Variants in ICA1L observed in about 807,000 individuals in gnomAD.
ICA1L encodes the protein islet cell autoantigen 1-like protein.
A neutral mutation model predicts 61.3 loss-of-function variants in ICA1L; 50 were observed. The observed-to-expected ratio is 0.82, with a 90% confidence interval of 0.65 to 1.03. ICA1L has a LOEUF of 1.03. ICA1L is among the 50% of genes least tolerant of loss of function. The pLI is 0.00. For synonymous variants in ICA1L, 161 were observed against 191.3 expected, an observed-to-expected ratio of 0.84 and a Z score of 1.31; for missense variants, 508 against 556.7, an observed-to-expected ratio of 0.91 and a Z score of 0.88.
chr2:202,833,996 G>A (rs1694080868), intron 1 of ICA1L, among the ~76,000 whole-genome samples: 1 of 152,086 alleles, frequency 6.6e-6, no homozygotes, highest in African/African-American at 2.4e-5. Context: ...ACAACAAAGG[G>A]ACTATAGTTA....
intron 1 of ICA1L, among the ~76,000 whole-genome samples, chr2:202,854,638 G>T (rs1157824111): frequency 6.6e-6 from 1 of 152,088 alleles, no homozygotes; most frequent in African/African-American, 2.4e-5. Context: ...CCACATAATT[G>T]GAAGTAAAAC....
intron 1 of ICA1L, among the ~76,000 whole-genome samples, chr2:202,869,343 C>A (rs1241872067): frequency 1.3e-5 from 2 of 151,806 alleles, no homozygotes; most frequent in Non-Finnish European, 2.9e-5. Flanking sequence ...GGCGACAGAG[C>A]GAGACTCTGT....
intron 9 of ICA1L, among the ~76,000 whole-genome samples, chr2:202,807,554 A>G (rs571392502): frequency 6.6e-6 from 1 of 152,288 alleles, no homozygotes; most frequent in East Asian, 1.9e-4. Flanking sequence ...AAGTACTGCA[A>G]TTCCTGGGCA....
intron 10 of ICA1L, among the ~76,000 whole-genome samples, chr2:202,792,412 A>T (rs1692781082): frequency 6.6e-6 from 1 of 152,226 alleles, no homozygotes; most frequent in South Asian, 2.1e-4. Context: ...GTAGTAGTAT[A>T]ATAGCCAAAA....
intron 12 of ICA1L, among the ~76,000 whole-genome samples, chr2:202,781,280 A>G (rs1692394427): frequency 6.6e-6 from 1 of 152,128 alleles, no homozygotes; most frequent in African/African-American, 2.4e-5. Flanking sequence ...CAGAATCAAG[A>G]AGTAGAACAT....
At chr2:202,808,187 A>G (rs1693277331) in intron 9 of ICA1L, among the ~76,000 whole-genome samples, 1 of 151,918 alleles carries the variant, frequency 6.6e-6, no homozygotes, top group African/African-American at 2.4e-5. Flanking sequence ...AGTCAGTTCT[A>G]GCCCTTGGCT....
intron 5 of ICA1L, among the ~76,000 whole-genome samples, chr2:202,817,762 T>C (rs1693579780): frequency 6.6e-6 from 1 of 152,176 alleles, no homozygotes; most frequent in Admixed American, 6.5e-5. Flanking sequence ...AAGATATCTT[T>C]ATGCTGAGAA....
chr2:202,803,873 A>C (rs150256351), intron 9 of ICA1L, among the ~76,000 whole-genome samples: 20 of 152,304 alleles, frequency 1.3e-4, no homozygotes, highest in Admixed American at 6.5e-4. Context: ...ATAACAATAA[A>C]AAATTAATTC....
intron 10 of ICA1L, among the ~76,000 whole-genome samples, chr2:202,789,657 TA>T (rs1349628898): frequency 6.6e-6 from 1 of 152,076 alleles, no homozygotes; most frequent in Non-Finnish European, 1.5e-5. Flanking sequence ...AATGAAACTA[TA>T]AAAACAAAAA....
rs1427432558 is a variant in ICA1L, at chr2:202,779,395, G to A, written c.*138C>T. 13 of 558,080 alleles carry A rather than the reference G, an allele frequency of 2.3e-5. No individual in the cohort carries two copies. The highest frequency in any genetic ancestry group is 3.8e-5 in the African/African-American group (2 of 52,868). 34.6% of individuals were successfully genotyped at this position (558,080 alleles called of 1,614,324 possible). A position where few individuals can be genotyped will look rare whatever the true frequency, so the allele number is the denominator to read the frequency against. On this transcript the variant is annotated 3_prime_UTR_variant, in exon 13 of 13. Coordinates refer to ENST00000358299, the MANE Select transcript of ICA1L (RefSeq NM_001288622.3). Reference sequence around the variant, plus strand: ...TATTCAAATGTGGTCTTTACCATCTGTCTAAAGTTGGCTGACAGGTGTTAT... The same window carrying A: ...TATTCAAATGTGGTCTTTACCATCTATCTAAAGTTGGCTGACAGGTGTTAT...
At chr2:202,817,377 C>A in intron 6 of ICA1L, 41 bp downstream of exon 6, 1 of 1,497,280 alleles carries the variant, frequency 6.7e-7, no homozygotes, top group South Asian at 1.4e-5. Context: ...TCTCACCACT[C>A]ATCTTTACTG....
intron 1 of ICA1L, among the ~76,000 whole-genome samples, chr2:202,838,198 G>A (rs946562811): frequency 5.9e-5 from 9 of 151,994 alleles, no homozygotes; most frequent in Non-Finnish European, 8.8e-5. Flanking sequence ...TTTTTGACAC[G>A]TTTGTTGTTT....
At chr2:202,781,635 C>T (rs1692409723) in intron 12 of ICA1L, among the ~76,000 whole-genome samples, 1 of 151,950 alleles carries the variant, frequency 6.6e-6, no homozygotes, top group African/African-American at 2.4e-5. Context: ...CCCTGACACC[C>T]TTCCAGTCAC....
intron 3 of ICA1L, among the ~76,000 whole-genome samples, chr2:202,825,037 G>T (rs1359110091): frequency 6.6e-6 from 1 of 152,058 alleles, no homozygotes; most frequent in Non-Finnish European, 1.5e-5. Context: ...GAAATTGGAA[G>T]GAAAGGAACA....
At chr2:202,816,049 C>A in intron 6 of ICA1L, 40 bp from the exon 7 acceptor site, 1 of 1,314,892 alleles carries the variant, frequency 7.6e-7, no homozygotes. Context: ...TTCTGCTTCC[C>A]CTCCATGATT....
In ICA1L at chr2:202,774,356, C is replaced by A; in HGVS notation, c.*5177G>T. On this transcript the variant is annotated 3_prime_UTR_variant, in exon 13 of 13. Coordinates refer to ENST00000358299, the MANE Select transcript of ICA1L (RefSeq NM_001288622.3). The stretch of plus-strand genomic sequence containing the variant: ...TGAGGCGAGCCTGCCGCGCGCTCCG[C>A]TCAGCGTGGTCTGGCAGCCGGAGAC... 1 of 1,348,510 alleles carries A rather than the reference C, an allele frequency of 7.4e-7. No homozygotes were observed. Among genetic ancestry groups the A allele is most frequent in the Admixed American group, 3.9e-5 (1 of 25,574 alleles). The allele number at this position is 1,348,510 out of a possible 1,614,324, so 83.5% of individuals were successfully genotyped here.
At chr2:202,824,990 T>A (rs1172043069) in intron 3 of ICA1L, among the ~76,000 whole-genome samples, 1 of 151,666 alleles carries the variant, frequency 6.6e-6, no homozygotes, top group African/African-American at 2.4e-5. Flanking sequence ...TTTGGTGGAG[T>A]GATGGGGATG....
chr2:202,861,071 A>G (rs1232221529), intron 1 of ICA1L, among the ~76,000 whole-genome samples: 5 of 151,914 alleles, frequency 3.3e-5, no homozygotes, highest in African/African-American at 1.2e-4. Context: ...CTCTACTAAA[A>G]ATACAAAAAT....
chr2:202,871,268 C>G (rs1381254053), intron 1 of ICA1L: 2 of 152,258 alleles, frequency 1.3e-5, no homozygotes, highest in Non-Finnish European at 2.9e-5. Flanking sequence ...CCCAAACGAG[C>G]CCCAGGCTGC....
Sources: gnomAD v4.1 joint callset for allele counts (sites outside exome capture counted in the v4.1 genomes callset) on GRCh38, gnomAD v4.1.1 for gene constraint, MANE v1.5 for transcripts, NCBI Gene and HGNC (gene_info 2026-07-23, HGNC 2026-07-21) for gene names.